SLC49A3: variants seen among roughly 807,000 people sequenced by gnomAD.
The protein encoded by SLC49A3 is solute carrier family 49 member A3.
Under a neutral mutation model 43.8 loss-of-function variants are expected in SLC49A3, and 50 were observed. The observed-to-expected ratio is 1.14, with a 90% CI of 0.91 to 1.45. SLC49A3 has a LOEUF of 1.45. Among genes scored for constraint, SLC49A3 ranks in the 40% most tolerant of loss-of-function variants. The pLI is 0.00. For synonymous variants in SLC49A3, 413 were observed against 352.0 expected (o/e 1.17, Z -1.94); for missense variants, 906 against 774.1 (o/e 1.17, Z -2.02).
At chr4:680,702 C>T (rs2109353788), downstream of SLC49A3, 2 of 1,096,752 alleles carry the variant, frequency 1.8e-6, no homozygotes, top group East Asian at 2.5e-5. Context: ...CACCTCTGAC[C>T]AGCTTCAGGG....
downstream of SLC49A3, chr4:677,839 A>C (rs943977663): frequency 3.3e-6 from 3 of 909,298 alleles, no homozygotes; most frequent in Admixed American, 3.9e-5. Context: ...AGGCAGGGCA[A>C]GGGTGTGAGT....
intron 6 of SLC49A3, among the ~76,000 whole-genome samples, 157 bp from the exon 7 acceptor site, chr4:683,918 A>G (rs1480066738): frequency 6.6e-6 from 1 of 152,114 alleles, no homozygotes; most frequent in Non-Finnish European, 1.5e-5. Context: ...CCTGCGGGGT[A>G]GGGTTTCCTG....
upstream of SLC49A3, among the ~76,000 whole-genome samples, chr4:691,309 C>T (rs868688535): frequency 7.0e-6 from 1 of 142,700 alleles, no homozygotes; most frequent in African/African-American, 2.6e-5. Flanking sequence ...AATTACAAAC[C>T]ATGGCTGGGC....
At position 684,850 on chromosome 4, in the gene SLC49A3, C is replaced by T; in HGVS notation, c.592G>A (p.Val198Ile). Residue 198 changes from valine to isoleucine, a missense_variant, in exon 5 of 10, where the codon GTC becomes ATC. By Grantham distance (29) the Val-to-Ile change is conservative. Coordinates refer to ENST00000322224, the MANE Select transcript of SLC49A3 (RefSeq NM_032219.4). ...ACGACGCCAGCAGGGATGGTATAGA[C>T]ACCGAGCTGGGGAGGGGTGTGTGTG... ...KGEDIPLMLG[V>I]YTIPAGVVCL... 1 of 1,611,842 alleles carries T rather than the reference C, an allele frequency of 6.2e-7. No individual in the cohort carries two copies. Among genetic ancestry groups the T allele is most frequent in the Non-Finnish European group, 8.5e-7 (1 of 1,179,700 alleles).
rs767733181 is a variant in SLC49A3, at chr4:685,907, G to A, written c.513C>T (p.Asn171=). The A allele has an allele frequency of 7.7e-5, 124 of 1,613,864 alleles. No homozygotes were observed. Among genetic ancestry groups the A allele is most frequent in the Non-Finnish European group, 1.0e-4 (118 of 1,180,028 alleles). ...CATTGGCCACAAGGACGCCCAGAGGGTTCGCTGGGTGGGCGGATGCACAAA... is the reference window on the plus strand; with the variant it reads ...CATTGGCCACAAGGACGCCCAGAGGATTCGCTGGGTGGGCGGATGCACAAA... ...ATANMLATMS[N]PLGVLVANVL... is the part of the protein sequence containing the mutation. Residue 171 remains asparagine, a synonymous_variant, in exon 4 of 10, where the codon AAC becomes AAT. Transcript: ENST00000322224. This position sits in a 1 kb window ranked among gnomAD's most constrained non-coding sequence, Gnocchi z 4.3.
At position 684,506 on chromosome 4, in the gene SLC49A3, G is replaced by A. The variant is rs144201570; in HGVS notation, c.817C>T (p.Leu273Phe). The A allele has an allele frequency of 1.8e-4, 291 of 1,613,142 alleles. No homozygotes were observed. Among genetic ancestry groups the A allele is most frequent in the Non-Finnish European group, 2.1e-4 (252 of 1,179,942 alleles). The change falls in exon 6 of 10, where the codon CTC becomes TTC. Residue 273 changes from leucine (L) to phenylalanine (F), a missense_variant. Physicochemically the swap from Leu to Phe is conservative, Grantham distance 22. Coordinates refer to ENST00000322224, the MANE Select transcript of SLC49A3 (RefSeq NM_032219.4). ...ACACTGGAGTGGCCGCTTGCACAGA[G>A]GATCTGCTCCAGGAGGGCTGAGAAG... Reference protein sequence around the residue: ...ASFSALLEQILCASGHSSGFS... With the variant: ...ASFSALLEQIFCASGHSSGFS...
chr4:686,791 G>T, intron 1 of SLC49A3, 101 bp from the exon 2 acceptor site: 1 of 1,431,378 alleles, frequency 7.0e-7, no homozygotes. Context: ...GCAGCCCCGT[G>T]AGGCCGAGGG....
downstream of SLC49A3, chr4:680,610 C>A: frequency 1.2e-6 from 2 of 1,609,302 alleles, no homozygotes; most frequent in Non-Finnish European, 8.5e-7. Flanking sequence ...GCGGCCAGGG[C>A]GGCCCGGCTT....
rs1331303110 is a variant in SLC49A3 at position 683,280 on chromosome 4, T to C, written c.1081A>G (p.Met361Val). The C allele has an allele frequency of 2.6e-6, 4 of 1,568,370 alleles. No individual in the cohort carries two copies. Among genetic ancestry groups the C allele is most frequent in the East Asian group, 4.6e-5 (2 of 43,116 alleles). ...LFGFSVGPVA[M>V]ELAVECSFPV... ...AAGGAACACTCGACCGCCAACTCCA[T>C]GGCCACGGGGCCCACCGAGAAGCCA... is the stretch of plus-strand genomic sequence containing the variant. Residue 361 changes from methionine to valine, a missense_variant, in exon 8 of 10, where the codon ATG becomes GTG. Transcript: ENST00000322224.
Position 688,308 on chromosome 4 carries a change from C to T in SLC49A3, c.135+685G>A, listed in dbSNP as rs563136561. ...CAGCAAAGGAGGAGGGGAGAGGCCCCGGGGTCCACCTGGAAGAGCCCTGAC... is the reference window on the plus strand; with the variant it reads ...CAGCAAAGGAGGAGGGGAGAGGCCCTGGGGTCCACCTGGAAGAGCCCTGAC... On this transcript the variant is annotated intron_variant, in intron 1 of 9. Coordinates refer to ENST00000322224, the MANE Select transcript of SLC49A3 (RefSeq NM_032219.4). Among the ~76,000 whole-genome samples, 256 of 152,256 alleles carry T rather than the reference C, an allele frequency of 1.7e-3. 1 individual carries two copies. Among genetic ancestry groups the T allele is most frequent in the African/African-American group, 4.5e-3 (187 of 41,560 alleles).
intron 7 of SLC49A3, 56 bp from the exon 8 acceptor site, chr4:683,423 A>C (rs1188242792): frequency 6.4e-7 from 1 of 1,571,040 alleles, no homozygotes; most frequent in Non-Finnish European, 8.6e-7. Flanking sequence ...TCAGAACTGG[A>C]CCTGGCTTCA....
Position 683,641 on chromosome 4 carries a change from G to A in SLC49A3, c.961C>T (p.Leu321=), listed in dbSNP as rs1740338312. ...FTEATKIGLC[L]FSLACVPFAL... ...AAGGGCACGCAGGCCAGAGAGAACA[G>A]GCACAGGCCAATCTTGGTGGCCTCA... The change falls in exon 7 of 10, where the codon CTG becomes TTG. Residue 321 remains leucine, a synonymous_variant. Coordinates refer to ENST00000322224, the MANE Select transcript of SLC49A3 (RefSeq NM_032219.4). The A allele has an allele frequency of 6.2e-7, 1 of 1,611,866 alleles. No individual in the cohort carries two copies.
intron 6 of SLC49A3, among the ~76,000 whole-genome samples, chr4:684,137 G>A (rs993365713): frequency 1.2e-4 from 18 of 152,246 alleles, no homozygotes; most frequent in East Asian, 1.9e-4. Context: ...CCCGCTGCAC[G>A]TCTGGATACC....
At chr4:678,123 G>C (rs116184458), downstream of SLC49A3, 1 of 1,568,608 alleles carries the variant, frequency 6.4e-7, no homozygotes, top group South Asian at 1.2e-5. Flanking sequence ...GGGCGTGTCC[G>C]TGCTTGCGTG....
In SLC49A3 at chr4:684,839, G is replaced by A. The variant is rs1208884046; in HGVS notation, c.603C>T (p.Ile201=). Residue 201 remains isoleucine (I), a synonymous_variant, in exon 5 of 10, where the codon ATC becomes ATT. Coordinates refer to ENST00000322224, the MANE Select transcript of SLC49A3 (RefSeq NM_032219.4). The part of the protein sequence containing the change: ...DIPLMLGVYT[I]PAGVVCLLST... Reference sequence around the variant, plus strand: ...ACAGCAGGCAGACGACGCCAGCAGGGATGGTATAGACACCGAGCTGGGGAG... The same window carrying A: ...ACAGCAGGCAGACGACGCCAGCAGGAATGGTATAGACACCGAGCTGGGGAG... 8.7e-6 allele frequency: 14 copies of A among 1,612,218 alleles called. No homozygotes were observed. The highest frequency in any genetic ancestry group is 1.1e-5 in the Non-Finnish European group (13 of 1,179,860).
Position 686,115 on chromosome 4 carries a change from G to A in SLC49A3, c.482C>T (p.Ala161Val). The change falls in exon 3 of 10, where the codon GCC becomes GTC. Residue 161 changes from alanine to valine, a missense_variant. Coordinates refer to ENST00000322224, the MANE Select transcript of SLC49A3 (RefSeq NM_032219.4). Reference protein sequence around the residue: ...AALWFPEHQRATANMLATMSN... With the variant: ...AALWFPEHQRVTANMLATMSN... ...CATGGTGGCGAGCATGTTGGCCGTG[G>A]CTCGCTGGTGCTCTGGGAACCACAA... The A allele has an allele frequency of 6.2e-7, 1 of 1,613,084 alleles. No individual in the cohort carries two copies. The highest frequency in any genetic ancestry group is 8.5e-7 in the Non-Finnish European group (1 of 1,179,944).
downstream of SLC49A3, chr4:679,064 C>CT (rs951948329): frequency 6.3e-7 from 1 of 1,579,278 alleles, no homozygotes. Flanking sequence ...CCTCAGAGCC[C>CT]TTGGAGGAGG....
downstream of SLC49A3, chr4:677,993 C>G (rs200903251): frequency 1.2e-6 from 2 of 1,613,368 alleles, no homozygotes; most frequent in Non-Finnish European, 1.7e-6. Context: ...ACCTGGGGCC[C>G]TGGGCAGACG....
intron 6 of SLC49A3, 97 bp downstream of exon 6, chr4:684,383 GCCA>G (rs1740549635): frequency 6.6e-7 from 1 of 1,508,830 alleles, no homozygotes; most frequent in Non-Finnish European, 9.0e-7. Flanking sequence ...TGTGGCCCCC[GCCA>G]GGGTCGGACA....
Sources: allele counts gnomAD v4.1 joint callset (sites outside exome capture counted in the v4.1 genomes callset), GRCh38; gene constraint gnomAD v4.1.1; non-coding constraint Gnocchi (gnomAD v3.1); transcripts MANE v1.5; gene names NCBI Gene and HGNC (gene_info 2026-07-23, HGNC 2026-07-21).